CNTN4: variants seen among roughly 807,000 people sequenced by gnomAD.
CNTN4 encodes the protein contactin 4, also known as contactin-4.
CNTN4 carries 77 observed loss-of-function variants against 122.5 expected under a neutral mutation model. The ratio of observed to expected loss-of-function variants is 0.63; its 90% CI spans 0.52 to 0.76. The LOEUF (loss-of-function observed/expected upper bound fraction) is 0.76, where lower values mean the gene tolerates loss of function less well. Among genes scored for constraint, CNTN4 ranks in the 30% least tolerant of loss-of-function variants. The pLI is 0.00. For missense variants in CNTN4, 1,256 were observed against 1,259.1 expected, an observed-to-expected ratio of 1.00 and a Z score of 0.04; for synonymous variants, 512 against 447.0, an observed-to-expected ratio of 1.15 and a Z score of -1.83.
At chr3:2,480,498 A>T (rs2151575570) in intron 3 of CNTN4, among the ~76,000 whole-genome samples, 1 of 152,352 alleles carries the variant, frequency 6.6e-6, no homozygotes, top group East Asian at 1.9e-4. Context: ...ACTTGAAAAT[A>T]AAAACATAAT....
At chr3:2,435,986 T>G (rs1228566323) in intron 3 of CNTN4, among the ~76,000 whole-genome samples, 1 of 152,298 alleles carries the variant, frequency 6.6e-6, no homozygotes, top group South Asian at 2.1e-4. Flanking sequence ...AAAAAACTGT[T>G]TATATCTCTA....
intron 2 of CNTN4, among the ~76,000 whole-genome samples, chr3:2,287,967 G>C (rs932204357): frequency 4.6e-5 from 7 of 151,868 alleles, no homozygotes; most frequent in Non-Finnish European, 8.8e-5. Context: ...CATTTTTTTT[G>C]TGTTAACTTT....
In CNTN4 at chr3:2,371,655, C is replaced by T. The variant is rs79980840; in HGVS notation, c.-89+32422C>T. Among the ~76,000 whole-genome samples the T allele has an allele frequency of 9.1e-3, 1,386 of 152,228 alleles. 15 individuals carry two copies. Among genetic ancestry groups the T allele is most frequent in the African/African-American group, 0.032 (1,313 of 41,534 alleles). On this transcript the variant is annotated intron_variant, in intron 3 of 24. Transcript: ENST00000418658. Reference sequence around the variant, plus strand: ...TTAATTTTTGTTCCTCCGCTAGATTCGTGTTCAGGATTATATCCCCAGTGC... The same window carrying T: ...TTAATTTTTGTTCCTCCGCTAGATTTGTGTTCAGGATTATATCCCCAGTGC...
At chr3:2,309,183 C>A (rs558631045) in intron 2 of CNTN4, among the ~76,000 whole-genome samples, 69 of 152,162 alleles carry the variant, frequency 4.5e-4, no homozygotes, top group Non-Finnish European at 8.4e-4. Flanking sequence ...TTTTTACTGG[C>A]AGATTGACCC....
chr3:2,937,811 G>A (rs2094579677), intron 13 of CNTN4, among the ~76,000 whole-genome samples: 3 of 152,140 alleles, frequency 2.0e-5, no homozygotes, highest in Admixed American at 2.0e-4. Flanking sequence ...GTGAGTTTAA[G>A]CCTTTGTGAA....
In CNTN4 at chr3:2,626,389, C is replaced by T. The variant is rs368279765; in HGVS notation, c.55+54831C>T. The stretch of plus-strand genomic sequence containing the variant: ...GTGGGCACCTGTAGTCCCAGCTACT[C>T]GGGAGGCTGAGGCAGGAGAATGGCG... On this transcript the variant is annotated intron_variant, in intron 4 of 24. Transcript: ENST00000418658. Among the ~76,000 whole-genome samples, 28 of 151,756 alleles carry T rather than the reference C, an allele frequency of 1.8e-4. No homozygotes were observed. In the South Asian group the frequency reaches 3.5e-3, roughly 19 times the overall value.
chr3:2,398,596 T>A (rs1004609533), intron 3 of CNTN4, among the ~76,000 whole-genome samples: 1 of 152,202 alleles, frequency 6.6e-6, no homozygotes, highest in African/African-American at 2.4e-5. Context: ...TTGAGTAGAC[T>A]GTGCATGAGA....
At chr3:2,233,958 C>A (rs1265582446) in intron 2 of CNTN4, among the ~76,000 whole-genome samples, 7 of 151,968 alleles carry the variant, frequency 4.6e-5, no homozygotes, top group Admixed American at 2.6e-4. Flanking sequence ...CTACTTTATG[C>A]AATTAGTATT....
At chr3:2,233,940 T>C (rs1423043922) in intron 2 of CNTN4, among the ~76,000 whole-genome samples, 9 of 152,092 alleles carry the variant, frequency 5.9e-5, no homozygotes, top group Admixed American at 5.9e-4. Flanking sequence ...AAAAATCACC[T>C]GGAAAATCTA....
intron 11 of CNTN4, among the ~76,000 whole-genome samples, chr3:2,901,456 G>A (rs1232821290): frequency 6.6e-6 from 1 of 152,072 alleles, no homozygotes; most frequent in Admixed American, 6.6e-5. Flanking sequence ...GAAGAGAAAG[G>A]GGACTGTTTT....
chr3:2,451,752 T>C (rs2151368594), intron 3 of CNTN4, among the ~76,000 whole-genome samples: 1 of 152,318 alleles, frequency 6.6e-6, no homozygotes, highest in South Asian at 2.1e-4. Context: ...CCCTTCATTA[T>C]TGTATCCTGA....
intron 13 of CNTN4, among the ~76,000 whole-genome samples, chr3:2,973,942 C>G (rs1405244823): frequency 6.6e-6 from 1 of 152,142 alleles, no homozygotes; most frequent in Non-Finnish European, 1.5e-5. Context: ...TCACAAGGTA[C>G]AAGATTGGCA....
chr3:2,836,702 C>T (rs1209376455), intron 7 of CNTN4, among the ~76,000 whole-genome samples: 3 of 149,892 alleles, frequency 2.0e-5, no homozygotes, highest in African/African-American at 7.4e-5. Context: ...TACCATATTA[C>T]AGATTAAAAA....
chr3:2,175,412 G>T (rs891355008), intron 2 of CNTN4, among the ~76,000 whole-genome samples: 12 of 152,132 alleles, frequency 7.9e-5, no homozygotes, highest in African/African-American at 2.9e-4. Flanking sequence ...AAAAGTCTGA[G>T]AAATTCTGTA....
chr3:2,720,647 C>G (rs1199140662), intron 4 of CNTN4, among the ~76,000 whole-genome samples: 3 of 152,156 alleles, frequency 2.0e-5, no homozygotes, highest in Non-Finnish European at 2.9e-5. Context: ...ATTAGATAAA[C>G]ACTAAACAGA....
intron 9 of CNTN4, among the ~76,000 whole-genome samples, chr3:2,883,742 T>C (rs114385152): frequency 2.0e-3 from 307 of 152,348 alleles, no homozygotes; most frequent in African/African-American, 7.0e-3. Flanking sequence ...AGACGTGTTG[T>C]TCTCTAAGAG....
intron 2 of CNTN4, among the ~76,000 whole-genome samples, chr3:2,137,303 GT>G (rs771170016): frequency 8.8e-4 from 134 of 152,144 alleles, no homozygotes; most frequent in Non-Finnish European, 1.7e-3. Flanking sequence ...TAAAATGCAA[GT>G]GATTTAGGTC....
intron 3 of CNTN4, among the ~76,000 whole-genome samples, chr3:2,461,810 A>AT (rs2049221702): frequency 6.6e-6 from 1 of 152,148 alleles, no homozygotes; most frequent in Non-Finnish European, 1.5e-5. Context: ...TATTGTCCCC[A>AT]TTTCACTTAG....
chr3:2,657,390 C>T (rs1312383403), intron 4 of CNTN4, among the ~76,000 whole-genome samples: 2 of 152,072 alleles, frequency 1.3e-5, no homozygotes, highest in African/African-American at 4.8e-5. Flanking sequence ...TGTAAATATA[C>T]TCTTATGTAG....
Sources: gnomAD v4.1 joint callset for allele counts (sites outside exome capture counted in the v4.1 genomes callset) on GRCh38, gnomAD v4.1.1 for gene constraint, MANE v1.5 for transcripts, NCBI Gene and HGNC (gene_info 2026-07-23, HGNC 2026-07-21) for gene names.